ICA1: variants seen among roughly 807,000 people sequenced by gnomAD.
The protein encoded by ICA1 is islet cell autoantigen 1.
Under a neutral mutation model 71.0 loss-of-function variants are expected in ICA1, and 40 were observed. The ratio of observed to expected loss-of-function variants is 0.56; its 90% CI spans 0.44 to 0.73. The LOEUF (loss-of-function observed/expected upper bound fraction) is 0.73. Among genes scored for constraint, ICA1 ranks in the 30% least tolerant of loss-of-function variants. The pLI is 0.00. For missense variants in ICA1, 578 were observed against 576.5 expected (o/e 1.00, Z -0.03); for synonymous variants, 207 against 209.5 (o/e 0.99, Z 0.10).
At chr7:8,201,988 C>A (rs1789878832) in intron 6 of ICA1, among the ~76,000 whole-genome samples, 1 of 152,180 alleles carries the variant, frequency 6.6e-6, no homozygotes, top group Admixed American at 6.5e-5. Context: ...CTCAAGGACA[C>A]CATGTCCCCT....
chr7:8,221,152 A>G, intron 5 of ICA1, 123 bp downstream of exon 5: 2 of 1,098,246 alleles, frequency 1.8e-6, no homozygotes, highest in Non-Finnish European at 2.7e-6. Context: ...GTGAGTACAG[A>G]GCAGCTCCTC....
At chr7:8,140,657 C>T (rs1794898119) in intron 10 of ICA1, among the ~76,000 whole-genome samples, 1 of 152,226 alleles carries the variant, frequency 6.6e-6, no homozygotes, top group African/African-American at 2.4e-5. Flanking sequence ...ATGCCTGGCA[C>T]AGAGGCGGCT....
chr7:8,171,472 A>C (rs1386000585), intron 6 of ICA1, among the ~76,000 whole-genome samples: 1 of 151,916 alleles, frequency 6.6e-6, no homozygotes, highest in Non-Finnish European at 1.5e-5. Context: ...TGTACTGTCT[A>C]TAGTAATGTC....
intron 6 of ICA1, among the ~76,000 whole-genome samples, chr7:8,205,618 T>C (rs997574934): frequency 2.0e-5 from 3 of 152,202 alleles, no homozygotes; most frequent in African/African-American, 7.2e-5. Flanking sequence ...CAGAGGGATA[T>C]TAGTTTGATT....
At chr7:8,242,094 C>T (rs934429021) in intron 1 of ICA1, among the ~76,000 whole-genome samples, 2 of 152,172 alleles carry the variant, frequency 1.3e-5, no homozygotes, top group African/African-American at 4.8e-5. Flanking sequence ...ACTCTCCACC[C>T]CAAATCAACA....
At chr7:8,197,620 G>T (rs1249984625) in intron 6 of ICA1, among the ~76,000 whole-genome samples, 2 of 140,594 alleles carry the variant, frequency 1.4e-5, no homozygotes, top group African/African-American at 2.6e-5. Flanking sequence ...TAATAATGGA[G>T]TCTTTCTATT....
At chr7:8,164,765 C>T (rs1184842312) in intron 6 of ICA1, among the ~76,000 whole-genome samples, 1 of 152,194 alleles carries the variant, frequency 6.6e-6, no homozygotes, top group Non-Finnish European at 1.5e-5. Flanking sequence ...TAAGCCAGCC[C>T]ATCTGAAGTC....
intron 12 of ICA1, among the ~76,000 whole-genome samples, chr7:8,133,616 A>G (rs1355978068): frequency 6.6e-6 from 1 of 152,128 alleles, no homozygotes; most frequent in Non-Finnish European, 1.5e-5. Context: ...TGGCTGTGAG[A>G]TTACTCATTT....
intron 6 of ICA1, among the ~76,000 whole-genome samples, chr7:8,188,331 CT>C (rs1302705539): frequency 6.6e-6 from 1 of 152,160 alleles, no homozygotes; most frequent in Non-Finnish European, 1.5e-5. Flanking sequence ...CATCTTTTCC[CT>C]CCTCTCCATT....
intron 1 of ICA1, among the ~76,000 whole-genome samples, chr7:8,237,073 A>G (rs934427518): frequency 6.6e-6 from 1 of 152,276 alleles, no homozygotes; most frequent in African/African-American, 2.4e-5. Context: ...TCAGGTATGC[A>G]GACAAGAGAG....
At chr7:8,138,780 TA>T in intron 12 of ICA1, 59 bp downstream of exon 12, 1 of 1,320,268 alleles carries the variant, frequency 7.6e-7, no homozygotes, top group Non-Finnish European at 1.1e-6. Flanking sequence ...TTCTTACATG[TA>T]AAAGAGTAAT....
chr7:8,142,786 C>T (rs1017997649), intron 9 of ICA1, among the ~76,000 whole-genome samples: 19 of 152,198 alleles, frequency 1.2e-4, no homozygotes, highest in Admixed American at 1.2e-3. Context: ...AAAATGATAG[C>T]TAGCACTATT....
chr7:8,233,642 C>A (rs1447592332), intron 2 of ICA1, among the ~76,000 whole-genome samples: 1 of 152,034 alleles, frequency 6.6e-6, no homozygotes, highest in Non-Finnish European at 1.5e-5. Context: ...ATGATCCGCC[C>A]TCCTCAGCCT....
chr7:8,113,800 C>G lies in ICA1; in HGVS notation c.*123G>C. ...TACCAATATAAACAGGGCCGTTGAC[C>G]CTTTCATTTTATTAAAATGGCACAT... On this transcript the variant is annotated 3_prime_UTR_variant, in exon 14 of 14. Transcript: ENST00000402384. The surrounding 1 kb of genome is among the most constrained non-coding windows in gnomAD (Gnocchi z 4.2). 2 of 1,049,950 alleles carry G rather than the reference C, an allele frequency of 1.9e-6. No individual in the cohort carries two copies. The highest frequency in any genetic ancestry group is 2.9e-6 in the Non-Finnish European group (2 of 696,136). The allele number at this position is 1,049,950 out of a possible 1,614,324, so 65.0% of individuals were successfully genotyped here.
At chr7:8,207,793 T>C (rs1050208585) in intron 6 of ICA1, among the ~76,000 whole-genome samples, 6 of 152,204 alleles carry the variant, frequency 3.9e-5, no homozygotes. Flanking sequence ...ATCCAACATC[T>C]TTTTTTGCTA....
Position 8,144,194 on chromosome 7 carries a change from T to A in ICA1, c.805-222A>T, listed in dbSNP as rs1796152729. Among the ~76,000 whole-genome samples, 1 of 152,206 alleles carries A rather than the reference T, an allele frequency of 6.6e-6. No homozygotes were observed. The highest frequency in any genetic ancestry group is 2.4e-5 in the African/African-American group (1 of 41,462). ...AATGTTCTCAGACACATCCGAGAAATACTAGCATATATAGCAGAGCTGATT... is the reference window on the plus strand; with the variant it reads ...AATGTTCTCAGACACATCCGAGAAAAACTAGCATATATAGCAGAGCTGATT... On this transcript the variant is annotated intron_variant, in intron 8 of 13. Transcript: ENST00000402384. The surrounding 1 kb of genome is among the most constrained non-coding windows in gnomAD (Gnocchi z 4.5).
chr7:8,231,721 G>A (rs1245359329), intron 3 of ICA1, among the ~76,000 whole-genome samples: 1 of 152,106 alleles, frequency 6.6e-6, no homozygotes, highest in Non-Finnish European at 1.5e-5. Flanking sequence ...AGTTCTTCCT[G>A]GGTCTGGTCT....
chr7:8,114,787 A>G (rs2127987928), intron 13 of ICA1: 1 of 152,370 alleles, frequency 6.6e-6, no homozygotes, highest in Middle Eastern at 3.4e-3. Flanking sequence ...TCTAAATAAG[A>G]TGAAGGCTTT....
At position 8,128,014 on chromosome 7, in the gene ICA1, C is replaced by T; in HGVS notation, c.1189G>A (p.Val397Met). The T allele has an allele frequency of 1.9e-6, 3 of 1,614,218 alleles. No individual in the cohort carries two copies. Among genetic ancestry groups the T allele is most frequent in the Non-Finnish European group, 2.5e-6 (3 of 1,180,046 alleles). Residue 397 changes from valine (V) to methionine (M), a missense_variant, in exon 13 of 14, where the codon GTG (valine) becomes ATG (methionine). Coordinates refer to ENST00000402384, the MANE Select transcript of ICA1 (RefSeq NM_001136020.3). ...EGEFSKEWAA[V>M]FGDGQVKEPV... ...TCCTTCACTTGGCCGTCTCCAAACA[C>T]AGCGGCCCACTCTTTGCTGAACTCG...
Sources: gnomAD v4.1 joint callset for allele counts (sites outside exome capture counted in the v4.1 genomes callset) on GRCh38, gnomAD v4.1.1 for gene constraint, Gnocchi (gnomAD v3.1) non-coding constraint, MANE v1.5 for transcripts, NCBI Gene and HGNC (gene_info 2026-07-23, HGNC 2026-07-21) for gene names.